The following DCDC1 variants were observed in gnomAD, a reference collection of about 807,000 sequenced individuals.
DCDC1 encodes doublecortin domain-containing protein 1.
Under a neutral mutation model 178.3 loss-of-function variants are expected in DCDC1, and 200 were observed. The observed-to-expected ratio is 1.12, with a 90% CI of 1.00 to 1.26. DCDC1 has a LOEUF of 1.26. DCDC1 is among the 50% of genes most tolerant of loss of function. The pLI, the probability that DCDC1 is intolerant of heterozygous loss-of-function variation, is 0.00. For missense variants in DCDC1, 1,983 were observed against 1,749.2 expected (o/e 1.13, Z -2.38); for synonymous variants, 690 against 604.8 (o/e 1.14, Z -2.07).
At chr11:31,301,062 C>T (rs1275830404) in intron 6 of DCDC1, among the ~76,000 whole-genome samples, 1 of 152,024 alleles carries the variant, frequency 6.6e-6, no homozygotes, top group Non-Finnish European at 1.5e-5. Context: ...ATATTCTATT[C>T]TTTTATTTAC....
intron 38 of DCDC1, among the ~76,000 whole-genome samples, chr11:30,869,836 G>A (rs371066165): frequency 6.6e-6 from 1 of 152,092 alleles, no homozygotes; most frequent in Non-Finnish European, 1.5e-5. Context: ...ACAGGGGAGC[G>A]AGTTTGTCCT....
chr11:31,258,898 AG>A (rs1944591993), intron 8 of DCDC1, among the ~76,000 whole-genome samples: 1 of 152,206 alleles, frequency 6.6e-6, no homozygotes, highest in Non-Finnish European at 1.5e-5. Context: ...CCCTCAGTTG[AG>A]CATGGGGTTT....
At chr11:31,203,967 G>GTAA (rs1310303181) in intron 9 of DCDC1, among the ~76,000 whole-genome samples, 1 of 152,164 alleles carries the variant, frequency 6.6e-6, no homozygotes, top group African/African-American at 2.4e-5. Flanking sequence ...AGGACCAATA[G>GTAA]TAATATTCAA....
chr11:31,331,788 T>C (rs1455568488), intron 2 of DCDC1, among the ~76,000 whole-genome samples: 3 of 152,214 alleles, frequency 2.0e-5, no homozygotes, highest in Admixed American at 2.0e-4. Context: ...GCCAGTATTT[T>C]ATTGAGGATT....
At chr11:31,209,608 G>T (rs1262389224) in intron 9 of DCDC1, among the ~76,000 whole-genome samples, 6 of 152,170 alleles carry the variant, frequency 3.9e-5, no homozygotes, top group Non-Finnish European at 8.8e-5. Flanking sequence ...TATCTCAGAG[G>T]GGCAGTTACT....
intron 20 of DCDC1, among the ~76,000 whole-genome samples, chr11:30,984,965 A>G (rs1048543964): frequency 6.6e-6 from 1 of 152,208 alleles, no homozygotes; most frequent in African/African-American, 2.4e-5. Flanking sequence ...GTGAGTTCCC[A>G]GGGTCTCAAA....
intron 20 of DCDC1, among the ~76,000 whole-genome samples, chr11:31,050,864 A>G (rs1955197383): frequency 6.6e-6 from 1 of 152,220 alleles, no homozygotes; most frequent in African/African-American, 2.4e-5. Flanking sequence ...CCTCTGACAG[A>G]GCCTATGCAA....
chr11:31,246,329 T>C (rs1051588781), intron 8 of DCDC1, among the ~76,000 whole-genome samples: 1 of 152,034 alleles, frequency 6.6e-6, no homozygotes, highest in African/African-American at 2.4e-5. Context: ...TAGTTACCTA[T>C]AAAGAAACTT....
chr11:31,278,110 C>A (rs1946127816), intron 7 of DCDC1, among the ~76,000 whole-genome samples: 1 of 151,992 alleles, frequency 6.6e-6, no homozygotes, highest in Non-Finnish European at 1.5e-5. Flanking sequence ...ACAGAAATAT[C>A]CAATTGTTTC....
At chr11:31,349,674 T>A (rs1481235222) in intron 1 of DCDC1, among the ~76,000 whole-genome samples, 1 of 152,108 alleles carries the variant, frequency 6.6e-6, no homozygotes, top group Non-Finnish European at 1.5e-5. Flanking sequence ...CAGATTTTTT[T>A]AAAACAAAGG....
chr11:31,254,809 C>A (rs1228896151), intron 8 of DCDC1, among the ~76,000 whole-genome samples: 1 of 152,132 alleles, frequency 6.6e-6, no homozygotes, highest in Non-Finnish European at 1.5e-5. Context: ...ATTCACATAA[C>A]ATAAAATCAA....
chr11:30,900,989 A>G (rs1169928054), intron 32 of DCDC1, among the ~76,000 whole-genome samples: 3 of 152,132 alleles, frequency 2.0e-5, no homozygotes, highest in Non-Finnish European at 4.4e-5. Flanking sequence ...TAAATGTTAG[A>G]TATTATTTTT....
intron 20 of DCDC1, among the ~76,000 whole-genome samples, chr11:30,965,074 G>A (rs1192639988): frequency 6.6e-6 from 1 of 152,186 alleles, no homozygotes; most frequent in East Asian, 1.9e-4. Flanking sequence ...TTGGACACCA[G>A]TGGAGTGCAA....
At chr11:31,207,688 C>T (rs1348557453) in intron 9 of DCDC1, among the ~76,000 whole-genome samples, 2 of 152,102 alleles carry the variant, frequency 1.3e-5, no homozygotes, top group African/African-American at 4.8e-5. Flanking sequence ...CTTTAAGGAA[C>T]CCTCCCCTGG....
intron 38 of DCDC1, among the ~76,000 whole-genome samples, chr11:30,878,240 C>T (rs1942320371): frequency 6.6e-6 from 1 of 151,998 alleles, no homozygotes; most frequent in South Asian, 2.1e-4. Context: ...ATTGCTTGAG[C>T]TCAGGAGTTC....
intron 9 of DCDC1, among the ~76,000 whole-genome samples, chr11:31,211,135 G>A (rs1206097571): frequency 1.3e-5 from 2 of 152,166 alleles, no homozygotes; most frequent in Non-Finnish European, 2.9e-5. Context: ...ATGACTTCAT[G>A]AGCATATTCA....
intron 9 of DCDC1, among the ~76,000 whole-genome samples, chr11:31,180,158 G>T (rs1968593777): frequency 6.6e-6 from 1 of 152,190 alleles, no homozygotes; most frequent in Non-Finnish European, 1.5e-5. Flanking sequence ...GAGGAAGATG[G>T]AGAAGCTAGC....
chr11:31,190,451 A>C (rs1970006209), intron 9 of DCDC1, among the ~76,000 whole-genome samples: 2 of 152,170 alleles, frequency 1.3e-5, no homozygotes, highest in Non-Finnish European at 2.9e-5. Context: ...CAATACACAG[A>C]ATAATATTTA....
Position 31,187,092 on chromosome 11 carries a change from C to A in DCDC1, c.1222-49308G>T, listed in dbSNP as rs190525179. 9.0e-3 allele frequency among the ~76,000 whole-genome samples: 1,377 copies of A among 152,296 alleles called. 6 individuals are homozygous for A. Among genetic ancestry groups the A allele is most frequent in the Non-Finnish European group, 0.013 (910 of 68,022 alleles). ...AACTCCAGCCTCACTGGCCCCTAAA[C>A]CCCCACTTCAACATACATATCCAGA... is the stretch of plus-strand genomic sequence containing the variant. On this transcript the variant is annotated intron_variant, in intron 9 of 38. Transcript: ENST00000684477.
Sources: gnomAD v4.1 joint callset for allele counts (sites outside exome capture counted in the v4.1 genomes callset) on GRCh38, gnomAD v4.1.1 for gene constraint, MANE v1.5 for transcripts, NCBI Gene and HGNC (gene_info 2026-07-23, HGNC 2026-07-21) for gene names.